The following C10orf67 variants were observed in gnomAD, a reference collection of about 807,000 sequenced individuals.
C10orf67 encodes the protein chromosome 10 open reading frame 67.
C10orf67 carries 60 observed loss-of-function variants against 35.6 expected under a neutral mutation model. The observed-to-expected ratio is 1.68, with a 90% CI of 1.37 to 2.09. The LOEUF is 2.09. C10orf67 is among the 30% of genes most tolerant of loss of function. The pLI is 0.00. For missense variants in C10orf67, 474 were observed against 330.2 expected (o/e 1.44, Z -3.38); for synonymous variants, 167 against 115.8 (o/e 1.44, Z -2.84).
At chr10:23,288,789 G>A (rs969582364) in intron 7 of C10orf67, among the ~76,000 whole-genome samples, 2 of 152,116 alleles carry the variant, frequency 1.3e-5, no homozygotes, top group Non-Finnish European at 2.9e-5. Context: ...TGGATACTCG[G>A]TTCAGTTACT....
At chr10:23,231,300 C>A (rs999295242) in intron 13 of C10orf67, among the ~76,000 whole-genome samples, 1 of 152,124 alleles carries the variant, frequency 6.6e-6, no homozygotes, top group Admixed American at 6.5e-5. Context: ...GTGATATGTG[C>A]AATTTCTGGG....
At chr10:23,218,410 A>C (rs886084211) in intron 15 of C10orf67, among the ~76,000 whole-genome samples, 4 of 151,462 alleles carry the variant, frequency 2.6e-5, no homozygotes, top group African/African-American at 4.9e-5. Flanking sequence ...GGCCTCCCAA[A>C]GTATTGGGAT....
At chr10:23,335,684 G>A (rs957688725) in intron 1 of C10orf67, among the ~76,000 whole-genome samples, 6 of 152,222 alleles carry the variant, frequency 3.9e-5, no homozygotes, top group Non-Finnish European at 7.4e-5. Context: ...TCAAAATAAA[G>A]ATCTTCAGTT....
chr10:23,260,749 CTT>C (rs1842726170), intron 10 of C10orf67, among the ~76,000 whole-genome samples: 1 of 152,140 alleles, frequency 6.6e-6, no homozygotes, highest in African/African-American at 2.4e-5. Flanking sequence ...GCAGTGGCTT[CTT>C]ATTGACCTCT....
chr10:23,325,444 G>C (rs1845149064), intron 2 of C10orf67, among the ~76,000 whole-genome samples: 1 of 129,294 alleles, frequency 7.7e-6, no homozygotes. Flanking sequence ...CCCAGCTAGA[G>C]ATAATATAAC....
chr10:23,334,431 C>T (rs1177774665), intron 1 of C10orf67, among the ~76,000 whole-genome samples: 1 of 152,352 alleles, frequency 6.6e-6, no homozygotes, highest in East Asian at 1.9e-4. Context: ...AATTATCAGA[C>T]TTCTCAGTGT....
chr10:23,328,993 C>CAAAAAAAAAAAAAAAAAAAAGAAAGAAAA (rs1845315649), intron 2 of C10orf67, among the ~76,000 whole-genome samples: 1 of 78,732 alleles, frequency 1.3e-5, no homozygotes, highest in Non-Finnish European at 2.5e-5. Context: ...CATAAACGAA[C>CAAAAAAAAAAAAAAAAAAAAGAAAGAAAA]AAAAAAAAAA....
chr10:23,322,618 G>A, intron 2 of C10orf67, 81 bp from the exon 3 acceptor site: 1 of 886,770 alleles, frequency 1.1e-6, no homozygotes, highest in Non-Finnish European at 1.7e-6. Flanking sequence ...TTGCTAAGTG[G>A]GAGCAAAATG....
At position 23,266,329 on chromosome 10, in the gene C10orf67, C is replaced by T. The variant is rs1402774891; in HGVS notation, c.1133G>A (p.Ser378Asn). 5 of 398,508 alleles carry T rather than the reference C, an allele frequency of 1.3e-5. No homozygotes were observed. The highest frequency in any genetic ancestry group is 3.6e-5 in the East Asian group (1 of 28,088). 24.7% of individuals were successfully genotyped at this position (398,508 alleles called of 1,614,324 possible). Residue 378 changes from serine to asparagine, a missense_variant, in exon 10 of 16, where the codon AGT becomes AAT. By Grantham distance (46) the Ser-to-Asn change is conservative. Coordinates refer to ENST00000636213, the MANE Select transcript of C10orf67 (RefSeq NM_001371909.1). ...TALRPHSATMSVSSAGAQKAK... is the reference protein window; with the variant it reads ...TALRPHSATMNVSSAGAQKAK... ...TTTCTGGGCCCCAGCAGATGATACACTCATGGTCGCAGAATGTGGCCTCAA... is the reference window on the plus strand; with the variant it reads ...TTTCTGGGCCCCAGCAGATGATACATTCATGGTCGCAGAATGTGGCCTCAA...
intron 8 of C10orf67, among the ~76,000 whole-genome samples, chr10:23,275,729 A>G (rs1417437269): frequency 6.6e-6 from 1 of 152,008 alleles, no homozygotes; most frequent in Non-Finnish European, 1.5e-5. Context: ...GTTTCCCTTG[A>G]TGTTTGACTT....
chr10:23,342,995 G>A (rs1364443578), intron 1 of C10orf67, among the ~76,000 whole-genome samples: 2 of 152,218 alleles, frequency 1.3e-5, no homozygotes, highest in African/African-American at 4.8e-5. Context: ...ATTTGAAAAG[G>A]TTTTTAGAAA....
In C10orf67 at chr10:23,234,774, G is replaced by T. The variant is rs539562838; in HGVS notation, c.1434+4955C>A. On this transcript the variant is annotated intron_variant, in intron 13 of 15. Coordinates refer to ENST00000636213, the MANE Select transcript of C10orf67 (RefSeq NM_001371909.1). ...TCACGCCTGTAATCCCAGCACTTTG[G>T]GGGGCTGAGGCAGGCAGATCATGAG... Among the ~76,000 whole-genome samples, 181 of 151,780 alleles carry T rather than the reference G, an allele frequency of 1.2e-3. 1 individual carries two copies. The highest frequency in any genetic ancestry group is 4.2e-3 in the African/African-American group (172 of 41,416).
chr10:23,315,687 TG>T (rs1178569102), intron 4 of C10orf67, among the ~76,000 whole-genome samples: 1 of 152,176 alleles, frequency 6.6e-6, no homozygotes, highest in African/African-American at 2.4e-5. Context: ...GTGATCTGCC[TG>T]CCTCGGCCCC....
At chr10:23,227,990 T>C (rs927275922) in intron 13 of C10orf67, among the ~76,000 whole-genome samples, 1 of 152,086 alleles carries the variant, frequency 6.6e-6, no homozygotes, top group Admixed American at 6.5e-5. Context: ...GAAGAATCAA[T>C]ATCGTGAAAA....
At chr10:23,336,021 TA>T (rs1291801021) in intron 1 of C10orf67, among the ~76,000 whole-genome samples, 2 of 151,792 alleles carry the variant, frequency 1.3e-5, no homozygotes, top group Non-Finnish European at 2.9e-5. Flanking sequence ...CATGGGGCCA[TA>T]AAAAAAACTG....
intron 10 of C10orf67, among the ~76,000 whole-genome samples, chr10:23,255,264 C>T (rs1199627714): frequency 1.3e-5 from 2 of 152,320 alleles, no homozygotes; most frequent in Non-Finnish European, 2.9e-5. Context: ...AAACATTTAT[C>T]TACATATATC....
chr10:23,250,457 G>C lies in C10orf67; in HGVS notation c.1344C>G (p.Asn448Lys), dbSNP rs1300568829. The C allele has an allele frequency of 2.3e-5, 9 of 398,354 alleles. No homozygotes were observed. Among genetic ancestry groups the C allele is most frequent in the Non-Finnish European group, 4.0e-5 (9 of 225,800 alleles). 24.7% of individuals were successfully genotyped at this position (398,354 alleles called of 1,614,324 possible). A position where few individuals can be genotyped will look rare whatever the true frequency, so the allele number is the denominator to read the frequency against. The change falls in exon 12 of 16, where the codon AAC becomes AAG. Residue 448 changes from asparagine to lysine, a missense_variant and splice_region_variant. Transcript: ENST00000636213. The part of the protein sequence containing the change: ...SWEKRFFILR[N>K]SFHVLKNEMF... Reference sequence around the variant, plus strand: ...AATTTGTATATTTCACACCATACCTGTTCCTGAGAATAAAGAATCTCTTTT... The same window carrying C: ...AATTTGTATATTTCACACCATACCTCTTCCTGAGAATAAAGAATCTCTTTT...
At position 23,312,390 on chromosome 10, in the gene C10orf67, T is replaced by C. The variant is rs1020596535; in HGVS notation, c.546+8351A>G. Among the ~76,000 whole-genome samples, 9 of 152,356 alleles carry C rather than the reference T, an allele frequency of 5.9e-5. No homozygotes were observed. The South Asian group carries it at 1.5e-3, about 25-fold the overall frequency. On this transcript the variant is annotated intron_variant, in intron 4 of 15. Transcript: ENST00000636213. ...ACCAGCTGACTCCTGTGTTCTGACA[T>C]GCCTTCATAATTTTTTGAGCATTTC...
intron 9 of C10orf67, among the ~76,000 whole-genome samples, chr10:23,266,812 C>T (rs965756307): frequency 3.9e-5 from 6 of 152,098 alleles, no homozygotes; most frequent in Non-Finnish European, 7.4e-5. Flanking sequence ...CTCCTGATGC[C>T]CCGCTAGCTG....
Sources: gnomAD v4.1 joint callset for allele counts (sites outside exome capture counted in the v4.1 genomes callset) on GRCh38, gnomAD v4.1.1 for gene constraint, MANE v1.5 for transcripts, NCBI Gene and HGNC (gene_info 2026-07-23, HGNC 2026-07-21) for gene names.